Variants in SYT2 observed in about 807,000 individuals in gnomAD.
SYT2 encodes synaptotagmin-2.
SYT2 carries 15 observed loss-of-function variants against 39.9 expected under a neutral mutation model. The observed-to-expected ratio is 0.38, with a 90% CI of 0.25 to 0.58. The LOEUF is 0.58. Ranked by LOEUF, SYT2 falls within the 20% of genes least tolerant of loss-of-function variation. The pLI, the probability that SYT2 is intolerant of heterozygous loss-of-function variation, is 0.70. For missense variants in SYT2, 389 were observed against 530.3 expected (o/e 0.73, Z 2.62); for synonymous variants, 181 against 204.5 (o/e 0.89, Z 0.98).
At chr1:202,676,821 G>T (rs1572673466) in intron 1 of SYT2, among the ~76,000 whole-genome samples, 2 of 152,190 alleles carry the variant, frequency 1.3e-5, no homozygotes, top group African/African-American at 4.8e-5. Context: ...TTATGTAAAA[G>T]CTTTGCTATG....
intron 1 of SYT2, among the ~76,000 whole-genome samples, chr1:202,667,698 TTTTTATTTTA>T (rs1051843665): frequency 2.6e-5 from 4 of 151,922 alleles, no homozygotes; most frequent in Admixed American, 2.0e-4. Flanking sequence ...TTTTCTTTTA[TTTTTATTTTA>T]TTTTATTTTA....
At chr1:202,684,358 C>G (rs1458355616) in intron 1 of SYT2, among the ~76,000 whole-genome samples, 1 of 137,660 alleles carries the variant, frequency 7.3e-6, no homozygotes, top group Non-Finnish European at 1.6e-5. Flanking sequence ...TTTTTTTTTT[C>G]AATTCCACAT....
intron 1 of SYT2, among the ~76,000 whole-genome samples, chr1:202,626,792 G>C (rs1691430330): frequency 6.6e-6 from 1 of 152,152 alleles, no homozygotes; most frequent in Non-Finnish European, 1.5e-5. Context: ...AGCCAGGGCT[G>C]CTTTCCAACC....
At chr1:202,657,467 T>C (rs1424278027) in intron 1 of SYT2, among the ~76,000 whole-genome samples, 3 of 152,094 alleles carry the variant, frequency 2.0e-5, no homozygotes, top group Non-Finnish European at 4.4e-5. Context: ...AGGGAAGGCA[T>C]GCAGTGACTG....
rs148558380 is a variant in SYT2 at position 202,627,690 on chromosome 1, C to T, written c.-17-21901G>A. 1,306 of 944,390 alleles carry T rather than the reference C, an allele frequency of 1.4e-3. 18 individuals carry two copies. In the African/African-American group the frequency reaches 0.022, roughly 16 times the overall value. The allele number at this position is 944,390 out of a possible 1,614,324, so 58.5% of individuals were successfully genotyped here. A position where few individuals can be genotyped will look rare whatever the true frequency, so the allele number is the denominator to read the frequency against. ...TTGACCAGGAGTTGTCTGCCTTACCCAAACTTGAAAATAACCCCTAGCATG... is the reference window on the plus strand; with the variant it reads ...TTGACCAGGAGTTGTCTGCCTTACCTAAACTTGAAAATAACCCCTAGCATG... On this transcript the variant is annotated intron_variant, in intron 1 of 8. Transcript: ENST00000367268.
At chr1:202,642,869 T>C (rs1691958733) in intron 1 of SYT2, among the ~76,000 whole-genome samples, 1 of 152,176 alleles carries the variant, frequency 6.6e-6, no homozygotes. Context: ...TCCCACGGCT[T>C]CTCTGCGGCG....
intron 1 of SYT2, among the ~76,000 whole-genome samples, chr1:202,610,987 T>C (rs1690870325): frequency 6.6e-6 from 1 of 152,192 alleles, no homozygotes; most frequent in Non-Finnish European, 1.5e-5. Flanking sequence ...AAAGTTCATA[T>C]GGAACCAAAA....
intron 1 of SYT2, among the ~76,000 whole-genome samples, chr1:202,701,111 T>C (rs1488414162): frequency 6.6e-6 from 1 of 152,248 alleles, no homozygotes; most frequent in Non-Finnish European, 1.5e-5. Context: ...ATCACAAAAG[T>C]CCTTTTCATA....
chr1:202,662,206 A>G (rs978983850), intron 1 of SYT2, among the ~76,000 whole-genome samples: 1 of 152,230 alleles, frequency 6.6e-6, no homozygotes, highest in African/African-American at 2.4e-5. Context: ...GGCAAAGACC[A>G]GGAAGCGGCA....
chr1:202,638,218 T>C (rs1466138925), intron 1 of SYT2, among the ~76,000 whole-genome samples: 4 of 152,144 alleles, frequency 2.6e-5, no homozygotes, highest in African/African-American at 9.7e-5. Context: ...CCATTCCAGC[T>C]GGGGAAAGGC....
chr1:202,616,176 G>A (rs997680943), intron 1 of SYT2, among the ~76,000 whole-genome samples: 14 of 152,134 alleles, frequency 9.2e-5, no homozygotes, highest in African/African-American at 3.4e-4. Flanking sequence ...TCTCTTTGCT[G>A]TTATTTTAAA....
At chr1:202,658,148 G>A (rs192902915) in intron 1 of SYT2, among the ~76,000 whole-genome samples, 1 of 152,090 alleles carries the variant, frequency 6.6e-6, no homozygotes, top group Non-Finnish European at 1.5e-5. Flanking sequence ...GGGTCCTTTC[G>A]GCTCTGATAT....
chr1:202,684,271 T>G (rs1041609970), intron 1 of SYT2, among the ~76,000 whole-genome samples: 2 of 152,164 alleles, frequency 1.3e-5, no homozygotes, highest in Non-Finnish European at 2.9e-5. Context: ...CCTACATGAC[T>G]GCAAGTTGTA....
intron 1 of SYT2, among the ~76,000 whole-genome samples, chr1:202,687,666 CAAAAAAAA>C (rs59844832): frequency 3.6e-5 from 3 of 83,992 alleles, no homozygotes; most frequent in African/African-American, 1.1e-4. Flanking sequence ...AACTCCATCT[CAAAAAAAA>C]AAAAAAAAAA....
At chr1:202,699,851 C>G (rs11578029) in intron 1 of SYT2, among the ~76,000 whole-genome samples, 47,146 of 151,618 alleles carry the variant, frequency 0.31, 7,517 homozygotes, top group South Asian at 0.44. Context: ...TGTCGGTTTT[C>G]CCTTGATCAC....
chr1:202,659,760 C>CA (rs1558452189), intron 1 of SYT2, among the ~76,000 whole-genome samples: 1 of 152,134 alleles, frequency 6.6e-6, no homozygotes, highest in Non-Finnish European at 1.5e-5. Context: ...AGCTTAGGGG[C>CA]AGCCAGGGCA....
intron 1 of SYT2, among the ~76,000 whole-genome samples, chr1:202,659,754 T>G (rs1332902122): frequency 6.6e-6 from 1 of 152,060 alleles, no homozygotes; most frequent in Non-Finnish European, 1.5e-5. Flanking sequence ...GGTTCTAGCT[T>G]AGGGGCAGCC....
At chr1:202,637,746 T>C (rs1691779402) in intron 1 of SYT2, among the ~76,000 whole-genome samples, 1 of 152,238 alleles carries the variant, frequency 6.6e-6, no homozygotes, top group Non-Finnish European at 1.5e-5. Flanking sequence ...CCTTTCACCC[T>C]CTGCCCCTCC....
rs1164044356 is a variant in SYT2, at chr1:202,691,732, GGA to G, written c.-18+18524_-18+18525del. On this transcript the variant is annotated intron_variant, in intron 1 of 8. Transcript: ENST00000367268. ...GAGGGAGAGGGAGAGGGAGAGGGGG[GGA>G]GAGAGAGAGAGAGAGAGAGAGAGAG... Among the ~76,000 whole-genome samples the G allele has an allele frequency of 1.8e-3, 15 of 8,322 alleles. No homozygotes were observed. In the East Asian group the frequency reaches 0.025, roughly 14 times the overall value. The allele number at this position is 8,322 out of a possible 152,430, so 5.5% of individuals were successfully genotyped here. A position where few individuals can be genotyped will look rare whatever the true frequency, so the allele number is the denominator to read the frequency against.
Sources: gnomAD v4.1 joint callset for allele counts (sites outside exome capture counted in the v4.1 genomes callset) on GRCh38, gnomAD v4.1.1 for gene constraint, MANE v1.5 for transcripts, NCBI Gene and HGNC (gene_info 2026-07-23, HGNC 2026-07-21) for gene names.